TSC22D1: variants seen among roughly 807,000 people sequenced by gnomAD.
The protein encoded by TSC22D1 is TSC22 domain family member 1, also known as TSC22 domain family protein 1.
Under a neutral mutation model 74.2 loss-of-function variants are expected in TSC22D1, and 9 were observed. The ratio of observed to expected loss-of-function variants is 0.12; its 90% confidence interval spans 0.07 to 0.21. The LOEUF (loss-of-function observed/expected upper bound fraction) is 0.21, where lower values mean the gene tolerates loss of function less well. TSC22D1 is among the 10% of genes least tolerant of loss of function. TSC22D1 has a pLI of 1.00. For synonymous variants in TSC22D1, 586 were observed against 492.5 expected (o/e 1.19, Z -2.51); for missense variants, 1,427 against 1,304.7 (o/e 1.09, Z -1.44).
intron 1 of TSC22D1, chr13:44,536,869 C>G (rs1482241942): frequency 1.0e-6 from 1 of 966,060 alleles, no homozygotes; most frequent in Non-Finnish European, 1.2e-6. Context: ...CTATTTCATA[C>G]ATTCACTGGT....
chr13:44,517,687 GAA>G (rs1234312667), intron 1 of TSC22D1, among the ~76,000 whole-genome samples: 4 of 77,458 alleles, frequency 5.2e-5, no homozygotes, highest in African/African-American at 5.0e-5. Flanking sequence ...TCTATCAAAA[GAA>G]AAAAAAAAAA....
intron 1 of TSC22D1, among the ~76,000 whole-genome samples, chr13:44,438,790 G>C (rs1409122892): frequency 6.6e-6 from 1 of 152,078 alleles, no homozygotes; most frequent in African/African-American, 2.4e-5. Flanking sequence ...CTATGTCTAT[G>C]AATGCTAACC....
intron 1 of TSC22D1, among the ~76,000 whole-genome samples, chr13:44,563,041 T>C (rs1040469897): frequency 5.9e-5 from 9 of 151,858 alleles, no homozygotes; most frequent in Non-Finnish European, 1.2e-4. Flanking sequence ...GAGGGGAAGG[T>C]TGCAATGAGC....
At chr13:44,468,240 G>A (rs910085495) in intron 1 of TSC22D1, among the ~76,000 whole-genome samples, 8 of 152,136 alleles carry the variant, frequency 5.3e-5, no homozygotes, top group Non-Finnish European at 8.8e-5. Context: ...AGGTAGAAAG[G>A]GGGTGAGGGA....
chr13:44,533,389 G>A (rs1880964837), intron 1 of TSC22D1, among the ~76,000 whole-genome samples: 1 of 151,652 alleles, frequency 6.6e-6, no homozygotes, highest in Non-Finnish European at 1.5e-5. Context: ...GAACCCAGGA[G>A]GCAGATGTTG....
chr13:44,523,035 G>GA (rs55966706), intron 1 of TSC22D1, among the ~76,000 whole-genome samples: 3,948 of 133,020 alleles, frequency 0.03, 133 homozygotes, highest in African/African-American at 0.09. Flanking sequence ...AGATAATAGA[G>GA]AAAAAAAAAA....
intron 1 of TSC22D1, among the ~76,000 whole-genome samples, chr13:44,448,339 A>G (rs1875849210): frequency 1.3e-5 from 2 of 152,208 alleles, no homozygotes; most frequent in African/African-American, 4.8e-5. Flanking sequence ...GTCCTAAAAG[A>G]CCTGGTAGGA....
intron 1 of TSC22D1, among the ~76,000 whole-genome samples, chr13:44,543,768 A>G (rs1168622971): frequency 6.6e-6 from 1 of 152,226 alleles, no homozygotes; most frequent in African/African-American, 2.4e-5. Context: ...TCAACTTTCT[A>G]ATCCTAAAGA....
At chr13:44,556,774 G>C (rs1288321328) in intron 1 of TSC22D1, among the ~76,000 whole-genome samples, 1 of 152,104 alleles carries the variant, frequency 6.6e-6, no homozygotes, top group Non-Finnish European at 1.5e-5. Context: ...GCTGAGGCAG[G>C]AGAATCCTTT....
intron 1 of TSC22D1, among the ~76,000 whole-genome samples, chr13:44,473,016 C>T (rs1045712286): frequency 1.3e-5 from 2 of 152,152 alleles, no homozygotes; most frequent in African/African-American, 4.8e-5. Flanking sequence ...TCACGTCTTA[C>T]ATAGATGGCA....
chr13:44,535,566 A>G (rs994958715), intron 1 of TSC22D1, among the ~76,000 whole-genome samples: 1 of 152,054 alleles, frequency 6.6e-6, no homozygotes, highest in African/African-American at 2.4e-5. Context: ...TAACCTATAA[A>G]GTCAGGACTT....
chr13:44,490,625 T>C (rs960094551), intron 1 of TSC22D1, among the ~76,000 whole-genome samples: 2 of 152,124 alleles, frequency 1.3e-5, no homozygotes, highest in African/African-American at 4.8e-5. Flanking sequence ...AGGCTGGGCA[T>C]AGTAGTTCAC....
At chr13:44,535,509 G>A (rs927331335) in intron 1 of TSC22D1, among the ~76,000 whole-genome samples, 2 of 151,972 alleles carry the variant, frequency 1.3e-5, no homozygotes, top group African/African-American at 4.8e-5. Flanking sequence ...ATTTGTCAGA[G>A]TATTTCAATA....
chr13:44,500,990 T>C (rs1879199002), intron 1 of TSC22D1, among the ~76,000 whole-genome samples: 1 of 152,142 alleles, frequency 6.6e-6, no homozygotes, highest in Non-Finnish European at 1.5e-5. Flanking sequence ...GTGGTCCAAC[T>C]GGTATATTTA....
At chr13:44,536,924 C>G (rs9525978) in intron 1 of TSC22D1, 2 of 84,248 alleles carry the variant, frequency 2.4e-5, no homozygotes, top group Non-Finnish European at 3.0e-5. Context: ...AAGTATTTTT[C>G]TGAAAAAAAA....
intron 1 of TSC22D1, among the ~76,000 whole-genome samples, chr13:44,493,267 C>T (rs1049684942): frequency 2.0e-5 from 3 of 152,256 alleles, no homozygotes; most frequent in Non-Finnish European, 2.9e-5. Flanking sequence ...ACATTTCCAG[C>T]GTGGGACTCC....
At chr13:44,476,319 A>G (rs1877907456) in intron 1 of TSC22D1, among the ~76,000 whole-genome samples, 2 of 152,144 alleles carry the variant, frequency 1.3e-5, no homozygotes, top group Non-Finnish European at 2.9e-5. Context: ...AAAATACATT[A>G]TGTTTATTAT....
chr13:44,509,950 C>CAAAAAAAA, intron 1 of TSC22D1, among the ~76,000 whole-genome samples: 3 of 51,422 alleles, frequency 5.8e-5, no homozygotes, highest in African/African-American at 2.3e-4. Context: ...AGAAAATAAG[C>CAAAAAAAA]AAAAAAAAAA....
intron 1 of TSC22D1, among the ~76,000 whole-genome samples, chr13:44,514,100 T>G (rs1879859859): frequency 6.6e-6 from 1 of 152,166 alleles, no homozygotes; most frequent in Non-Finnish European, 1.5e-5. Context: ...ACATTCCAAT[T>G]AAAACTCATT....
Sources: gnomAD v4.1 joint callset for allele counts (sites outside exome capture counted in the v4.1 genomes callset) on GRCh38, gnomAD v4.1.1 for gene constraint, MANE v1.5 for transcripts, NCBI Gene and HGNC (gene_info 2026-07-23, HGNC 2026-07-21) for gene names.